Variants in PSG2 observed in about 807,000 individuals in gnomAD.
PSG2 encodes the protein pregnancy specific beta-1-glycoprotein 2.
A neutral mutation model predicts 36.2 loss-of-function variants in PSG2; 49 were observed. That is an observed-to-expected ratio of 1.35 (90% CI 1.08 to 1.72). The LOEUF (loss-of-function observed/expected upper bound fraction) is 1.72, where lower values mean the gene tolerates loss of function less well. PSG2 is among the 40% of genes most tolerant of loss of function. PSG2 has a pLI of 0.00. For missense variants in PSG2, 605 were observed against 407.2 expected, an observed-to-expected ratio of 1.49 and a Z score of -4.18; for synonymous variants, 261 against 155.6, an observed-to-expected ratio of 1.68 and a Z score of -5.04.
Position 43,071,880 on chromosome 19 carries a change from A to G in PSG2, c.784T>C (p.Phe262Leu), listed in dbSNP as rs1451387548. ...TGTGCCGGTGGGTTAGAGTTCGCGA[A>G]GCAAGACAAGTAGAGGTTATCTCCT... is the stretch of plus-strand genomic sequence containing the variant. ...RSGDNLYLSCFANSNPPAQYS... is the reference protein window; with the variant it reads ...RSGDNLYLSCLANSNPPAQYS... Residue 262 changes from phenylalanine (F) to leucine (L), a missense_variant, in exon 4 of 6, where the codon TTC becomes CTC. Phe to Leu is a conservative substitution (Grantham distance 22). Coordinates refer to ENST00000406487, the MANE Select transcript of PSG2 (RefSeq NM_031246.4). 1 of 1,613,070 alleles carries G rather than the reference A, an allele frequency of 6.2e-7. No individual in the cohort carries two copies. The highest frequency in any genetic ancestry group is 8.5e-7 in the Non-Finnish European group (1 of 1,179,510).
Position 43,079,293 on chromosome 19 carries a change from T to G in PSG2, c.430+1588A>C, listed in dbSNP as rs796708524. On this transcript the variant is annotated intron_variant, in intron 2 of 5. Coordinates refer to ENST00000406487, the MANE Select transcript of PSG2 (RefSeq NM_031246.4). Reference sequence around the variant, plus strand: ...TCCACAGTCCAGAACCAAGGAGCCCTGAGAACCCTCTGGTGGCCAAAGAGC... The same window carrying G: ...TCCACAGTCCAGAACCAAGGAGCCCGGAGAACCCTCTGGTGGCCAAAGAGC... Among the ~76,000 whole-genome samples, 12 of 151,416 alleles carry G rather than the reference T, an allele frequency of 7.9e-5. No homozygotes were observed. In the East Asian group the frequency reaches 1.7e-3, roughly 22 times the overall value.
chr19:43,081,334 A>C, intron 1 of PSG2, 88 bp from the exon 2 acceptor site: 4 of 1,432,194 alleles, frequency 2.8e-6, no homozygotes, highest in African/African-American at 1.5e-5. Flanking sequence ...AGGTCTCTTC[A>C]ATCCTCAGCC....
At position 43,081,182 on chromosome 19, in the gene PSG2, T is replaced by A; in HGVS notation, c.129A>T (p.Pro43=). ...GAACATCCTTCCCCTCGGAAACTTT[T>A]GGTGGCTGGGCTTCAATCGTGACTT... The part of the protein sequence containing the change: ...TAQVTIEAQP[P]KVSEGKDVLL... Residue 43 remains proline (P), a synonymous_variant, in exon 2 of 6, where the codon CCA becomes CCT. Coordinates refer to ENST00000406487, the MANE Select transcript of PSG2 (RefSeq NM_031246.4). 1 of 1,585,632 alleles carries A rather than the reference T, an allele frequency of 6.3e-7. No individual in the cohort carries two copies. The highest frequency in any genetic ancestry group is 2.2e-5 in the East Asian group (1 of 44,488).
rs534096314 is a variant in PSG2, at chr19:43,079,046, G to A, written c.430+1835C>T. ...TTCCTGGGAGGTTGGCTAGGCCACAGTGTTAGAAGGAAGGGAACAGAACAG... is the reference window on the plus strand; with the variant it reads ...TTCCTGGGAGGTTGGCTAGGCCACAATGTTAGAAGGAAGGGAACAGAACAG... On this transcript the variant is annotated intron_variant, in intron 2 of 5. Transcript: ENST00000406487. 8.8e-4 allele frequency among the ~76,000 whole-genome samples: 134 copies of A among 151,838 alleles called. 2 individuals carry two copies. The South Asian group carries it at 0.022, about 25-fold the overall frequency.
intron 4 of PSG2, among the ~76,000 whole-genome samples, chr19:43,070,254 A>G (rs1422390687): frequency 6.6e-6 from 1 of 151,760 alleles, no homozygotes; most frequent in Non-Finnish European, 1.5e-5. Context: ...GCTGATGGGA[A>G]TGGGAAATGT....
At chr19:43,078,903 G>A (rs976054523) in intron 2 of PSG2, among the ~76,000 whole-genome samples, 1 of 151,546 alleles carries the variant, frequency 6.6e-6, no homozygotes, top group Non-Finnish European at 1.5e-5. Flanking sequence ...CTCACAAAGG[G>A]GAAGAGCCCT....
intron 4 of PSG2, among the ~76,000 whole-genome samples, chr19:43,070,868 C>T (rs1292184465): frequency 1.3e-5 from 2 of 151,632 alleles, no homozygotes; most frequent in African/African-American, 4.9e-5. Context: ...CTTACCCTCT[C>T]TATAATTACA....
At chr19:43,080,746 C>T in intron 2 of PSG2, 135 bp downstream of exon 2, 1 of 1,557,948 alleles carries the variant, frequency 6.4e-7, no homozygotes, top group Non-Finnish European at 8.8e-7. Context: ...GTGTCCTGCA[C>T]TAAATGCCCA....
In PSG2 at chr19:43,064,745, C is replaced by T. The variant is rs1020557741; in HGVS notation, c.*41-144G>A. On this transcript the variant is annotated intron_variant, in intron 5 of 5. Coordinates refer to ENST00000406487, the MANE Select transcript of PSG2 (RefSeq NM_031246.4). ...TTTATTATGGTAAAGACACAGCTCA[C>T]ATAGAAATCTAGTTACTTCTGTGGC... The T allele has an allele frequency of 1.3e-5, 4 of 316,714 alleles. 1 individual carries two copies. Among genetic ancestry groups the T allele is most frequent in the Non-Finnish European group, 2.5e-5 (4 of 160,504 alleles). 19.6% of individuals were successfully genotyped at this position (316,714 alleles called of 1,614,324 possible). A position where few individuals can be genotyped will look rare whatever the true frequency, so the allele number is the denominator to read the frequency against.
At chr19:43,081,822 C>T (rs1366183253) in intron 1 of PSG2, 1 of 152,962 alleles carries the variant, frequency 6.5e-6, no homozygotes, top group Admixed American at 6.3e-5. Context: ...TCTCAGGGCC[C>T]TCCACACCCT....
chr19:43,074,707 C>A (rs1413538681), intron 3 of PSG2, among the ~76,000 whole-genome samples: 2 of 151,734 alleles, frequency 1.3e-5, no homozygotes, highest in Non-Finnish European at 2.9e-5. Flanking sequence ...TTACCAGGGA[C>A]TATGGTCCTC....
intron 3 of PSG2, 25 bp downstream of exon 3, chr19:43,075,329 C>T (rs376024954): frequency 1.5e-5 from 25 of 1,613,102 alleles, no homozygotes; most frequent in Middle Eastern, 1.7e-4. Flanking sequence ...GCAGTCTGGC[C>T]CACAGAGGAA....
chr19:43,070,728 A>G (rs1314010864), intron 4 of PSG2, among the ~76,000 whole-genome samples: 1 of 151,708 alleles, frequency 6.6e-6, no homozygotes, highest in Non-Finnish European at 1.5e-5. Flanking sequence ...TATTGGGTAC[A>G]GAGGTTTAAT....
chr19:43,068,421 C>T (rs1967771214), intron 4 of PSG2, among the ~76,000 whole-genome samples: 1 of 148,294 alleles, frequency 6.7e-6, no homozygotes, highest in Non-Finnish European at 1.5e-5. Context: ...CCTGGGCTGG[C>T]CTACAGAGTG....
At position 43,082,621 on chromosome 19, in the gene PSG2, A is replaced by G. The variant is rs3746097; in HGVS notation, c.-52T>C. ...CTGTGGAGATGAGCCTAGGATCCAGAAACTTCCTGAGCACGGCTGTCAGCT... is the reference window on the plus strand; with the variant it reads ...CTGTGGAGATGAGCCTAGGATCCAGGAACTTCCTGAGCACGGCTGTCAGCT... On this transcript the variant is annotated 5_prime_UTR_variant, in exon 1 of 6. Transcript: ENST00000406487. 2,011 of 1,600,620 alleles carry G rather than the reference A, an allele frequency of 1.3e-3. 61 individuals carry two copies. The East Asian group carries it at 0.038, about 31-fold the overall frequency.
At position 43,072,379 on chromosome 19, in the gene PSG2, G is replaced by A. The variant is rs1443110629; in HGVS notation, c.710-425C>T. On this transcript the variant is annotated intron_variant, in intron 3 of 5. Coordinates refer to ENST00000406487, the MANE Select transcript of PSG2 (RefSeq NM_031246.4). ...GGACATTCAGGGTGACTGGGTCACT[G>A]TGGATGCCACCATATCGGTCCCGTA... 8.1e-6 allele frequency: 13 copies of A among 1,612,606 alleles called. No individual in the cohort carries two copies. In the African/African-American group the frequency reaches 1.1e-4, roughly 13 times the overall value.
intron 4 of PSG2, among the ~76,000 whole-genome samples, chr19:43,070,984 A>G (rs1224100984): frequency 2.6e-5 from 4 of 151,524 alleles, no homozygotes; most frequent in Non-Finnish European, 4.4e-5. Context: ...TGTCCCACGT[A>G]CTGTGCCCAC....
chr19:43,074,914 A>G (rs10426763), intron 3 of PSG2, among the ~76,000 whole-genome samples: 4,429 of 137,184 alleles, frequency 0.032, 369 homozygotes, highest in African/African-American at 0.13. Context: ...CTTGTATGGT[A>G]ATAGGTGTGA....
Position 43,082,672 on chromosome 19 carries a change from G to A in PSG2, c.-103C>T. The A allele has an allele frequency of 7.2e-6, 11 of 1,534,844 alleles. No homozygotes were observed. Among genetic ancestry groups the A allele is most frequent in the Non-Finnish European group, 9.7e-6 (11 of 1,128,896 alleles). On this transcript the variant is annotated 5_prime_UTR_variant, in exon 1 of 6. Transcript: ENST00000406487. ...GTGCTGTCCTTCCTCCTTCTGCACT[G>A]AGCCTCTTCCTGGGGCAGCAGCAAT... is the stretch of plus-strand genomic sequence containing the variant.
Sources: allele counts gnomAD v4.1 joint callset (sites outside exome capture counted in the v4.1 genomes callset), GRCh38; gene constraint gnomAD v4.1.1; transcripts MANE v1.5; gene names NCBI Gene and HGNC (gene_info 2026-07-23, HGNC 2026-07-21).